Variants in PDE3B observed in about 807,000 individuals in gnomAD.
PDE3B encodes cGMP-inhibited 3',5'-cyclic phosphodiesterase 3B.
Under a neutral mutation model 116.8 loss-of-function variants are expected in PDE3B, and 66 were observed. That is an observed-to-expected ratio of 0.56 (90% CI 0.46 to 0.69). PDE3B has a LOEUF of 0.69. Among genes scored for constraint, PDE3B ranks in the 30% least tolerant of loss-of-function variants. PDE3B has a pLI of 0.00. For missense variants in PDE3B, 1,384 were observed against 1,368.1 expected, an observed-to-expected ratio of 1.01 and a Z score of -0.18; for synonymous variants, 595 against 533.6, an observed-to-expected ratio of 1.12 and a Z score of -1.59.
At position 14,786,598 on chromosome 11, in the gene PDE3B, G is replaced by C. The variant is rs1414428144; in HGVS notation, c.1191G>C (p.Lys397Asn). The change falls in exon 3 of 16, where the codon AAG becomes AAC. Residue 397 changes from lysine to asparagine, a missense_variant. This residue lies in a region of PDE3B where 956 missense variants were observed against 806.8 expected (regional missense o/e 1.18). Coordinates refer to ENST00000282096, the MANE Select transcript of PDE3B (RefSeq NM_000922.4). The stretch of plus-strand genomic sequence containing the variant: ...CTTTCTCAGGTTCCTGTAGGCCAAA[G>C]ATTAATCCTCTCACACCATTTCCTG... ...MGAFSGSCRP[K>N]INPLTPFPGF... 1 of 1,612,786 alleles carries C rather than the reference G, an allele frequency of 6.2e-7. No individual in the cohort carries two copies. Among genetic ancestry groups the C allele is most frequent in the Non-Finnish European group, 8.5e-7 (1 of 1,179,116 alleles).
At chr11:14,702,017 T>G (rs1855376205) in intron 1 of PDE3B, among the ~76,000 whole-genome samples, 1 of 151,648 alleles carries the variant, frequency 6.6e-6, no homozygotes, top group Admixed American at 6.6e-5. Flanking sequence ...TCTCTTCCCT[T>G]TTTTTGATTC....
chr11:14,834,736 C>T (rs1860000442), intron 10 of PDE3B, among the ~76,000 whole-genome samples: 1 of 152,146 alleles, frequency 6.6e-6, no homozygotes, highest in East Asian at 1.9e-4. Context: ...TTTTCCAATG[C>T]CTTTCAATAC....
chr11:14,751,631 G>A (rs1857058749), intron 1 of PDE3B, among the ~76,000 whole-genome samples: 1 of 152,146 alleles, frequency 6.6e-6, no homozygotes, highest in African/African-American at 2.4e-5. Context: ...CCCACAAAGT[G>A]GGAATAAGGA....
the PDE3B span, chr11:14,880,791 T>C: frequency 2.5e-6 from 4 of 1,589,188 alleles, no homozygotes; most frequent in Non-Finnish European, 3.4e-6. Flanking sequence ...ATTAAAATAT[T>C]GTATAATTCC....
the PDE3B span, among the ~76,000 whole-genome samples, chr11:14,885,114 A>T: frequency 6.6e-6 from 1 of 152,208 alleles, no homozygotes; most frequent in South Asian, 2.1e-4. Flanking sequence ...TTTGAAATTA[A>T]ATGTGAAACT....
chr11:14,718,074 A>T (rs1313660529), intron 1 of PDE3B, among the ~76,000 whole-genome samples: 1 of 150,126 alleles, frequency 6.7e-6, no homozygotes, highest in South Asian at 2.1e-4. Context: ...GGATGGAGGA[A>T]GATCTACCAA....
At chr11:14,802,062 C>CTGGG (rs1431573097) in intron 4 of PDE3B, among the ~76,000 whole-genome samples, 2 of 152,352 alleles carry the variant, frequency 1.3e-5, no homozygotes, top group African/African-American at 4.8e-5. Context: ...TCTTAGTTTG[C>CTGGG]TGGGCTCTGT....
chr11:14,758,129 T>C (rs1384385442), intron 1 of PDE3B, among the ~76,000 whole-genome samples: 1 of 152,216 alleles, frequency 6.6e-6, no homozygotes, highest in African/African-American at 2.4e-5. Context: ...TGTGGCGTTA[T>C]TTCTGAGGAC....
At chr11:14,852,282 C>T (rs188880934) in intron 12 of PDE3B, among the ~76,000 whole-genome samples, 1 of 152,308 alleles carries the variant, frequency 6.6e-6, no homozygotes, top group East Asian at 1.9e-4. Context: ...TCTCAAACTA[C>T]TGACCTCATG....
chr11:14,827,356 AT>A (rs748317917), intron 7 of PDE3B, among the ~76,000 whole-genome samples: 1 of 152,168 alleles, frequency 6.6e-6, no homozygotes, highest in Non-Finnish European at 1.5e-5. Flanking sequence ...GGGCATCCAA[AT>A]AGGAAGAGAG....
intron 11 of PDE3B, among the ~76,000 whole-genome samples, chr11:14,841,065 A>C (rs1860207407): frequency 1.3e-5 from 2 of 152,204 alleles, no homozygotes; most frequent in South Asian, 2.1e-4. Flanking sequence ...GATGAGATTA[A>C]CATTTAAATT....
At chr11:14,742,194 G>A (rs1489835478) in intron 1 of PDE3B, among the ~76,000 whole-genome samples, 1 of 152,258 alleles carries the variant, frequency 6.6e-6, no homozygotes, top group East Asian at 1.9e-4. Flanking sequence ...TTTCCAACTT[G>A]GTTCCATTCT....
At chr11:14,688,260 G>A (rs1386102068) in intron 1 of PDE3B, among the ~76,000 whole-genome samples, 1 of 150,224 alleles carries the variant, frequency 6.7e-6, no homozygotes, top group African/African-American at 2.5e-5. Context: ...AATATTTTTT[G>A]TATATCAAGA....
At chr11:14,763,201 A>G (rs745434372) in intron 1 of PDE3B, among the ~76,000 whole-genome samples, 12 of 152,168 alleles carry the variant, frequency 7.9e-5, no homozygotes, top group Admixed American at 7.2e-4. Context: ...AATCTGGAGA[A>G]TGTAATACTC....
chr11:14,732,339 T>C (rs1334829666), intron 1 of PDE3B, among the ~76,000 whole-genome samples: 3 of 152,202 alleles, frequency 2.0e-5, no homozygotes, highest in African/African-American at 4.8e-5. Flanking sequence ...TTTTCTGTTG[T>C]TAATAGGAGC....
rs551020404 is a variant in PDE3B at position 14,803,988 on chromosome 11, C to T, written c.1460C>T (p.Thr487Ile). 3.7e-6 allele frequency: 6 copies of T among 1,611,502 alleles called. No individual in the cohort carries two copies. The African/African-American group carries it at 6.7e-5, about 18-fold the overall frequency. ...GGGCCTTTTAATTCAAATCTACTGA[C>T]TATCCCGAAGCAAAGGTCATCTTCT... ...LNGPFNSNLL[T>I]IPKQRSSSVS... Residue 487 changes from threonine to isoleucine, a missense_variant, in exon 5 of 16, where the codon ACT becomes ATT. Physicochemically the swap from Thr to Ile is moderately conservative, Grantham distance 89. Coordinates refer to ENST00000282096, the MANE Select transcript of PDE3B (RefSeq NM_000922.4).
At chr11:14,889,164 GTT>G in the PDE3B span, among the ~76,000 whole-genome samples, 1 of 140,170 alleles carries the variant, frequency 7.1e-6, no homozygotes, top group Non-Finnish European at 1.5e-5. Context: ...AAGTCCAGTT[GTT>G]TTTTTTTTTT....
intron 1 of PDE3B, among the ~76,000 whole-genome samples, chr11:14,705,011 T>C (rs1466173578): frequency 6.6e-6 from 1 of 151,638 alleles, no homozygotes; most frequent in East Asian, 1.9e-4. Context: ...TACAACTCAA[T>C]GAAAAGAAAA....
chr11:14,738,586 G>A (rs1337382878), intron 1 of PDE3B, among the ~76,000 whole-genome samples: 4 of 152,052 alleles, frequency 2.6e-5, no homozygotes, highest in African/African-American at 4.8e-5. Context: ...CTTTTGCTGT[G>A]CAGAAGCTCT....
Sources: gnomAD v4.1 joint callset for allele counts (sites outside exome capture counted in the v4.1 genomes callset) on GRCh38, gnomAD v4.1.1 for gene constraint, gnomAD v4.1.1 regional missense constraint, MANE v1.5 for transcripts, NCBI Gene and HGNC (gene_info 2026-07-23, HGNC 2026-07-21) for gene names.